DNAH5: variants seen among roughly 807,000 people sequenced by gnomAD.
DNAH5 encodes axonemal beta dynein heavy chain 5.
In DNAH5, 372 loss-of-function variants were observed where a neutral mutation model predicts 518.2. The ratio of observed to expected loss-of-function variants is 0.72; its 90% CI spans 0.66 to 0.78. The LOEUF (loss-of-function observed/expected upper bound fraction) is 0.78, where lower values mean the gene tolerates loss of function less well. Ranked by LOEUF, DNAH5 falls within the 30% of genes least tolerant of loss-of-function variation. The pLI is 0.00. For missense variants in DNAH5, 5,523 were observed against 5,687.0 expected (o/e 0.97, Z 0.93); for synonymous variants, 2,039 against 2,025.9 (o/e 1.01, Z -0.17).
At chr5:13,945,958 G>A (rs760971050), upstream of DNAH5, among the ~76,000 whole-genome samples, 5 of 152,172 alleles carry the variant, frequency 3.3e-5, no homozygotes, top group Middle Eastern at 3.4e-3. Context: ...GCTGTTGTCC[G>A]TTTCTAATAA....
At chr5:13,903,701 T>C (rs1482120684) in intron 12 of DNAH5, among the ~76,000 whole-genome samples, 1 of 151,996 alleles carries the variant, frequency 6.6e-6, no homozygotes. Flanking sequence ...AATCAGTGAA[T>C]AAAGATCTTC....
At chr5:13,982,837 C>T (rs1195316981) in intron 1 of DNAH5, among the ~76,000 whole-genome samples, 1 of 152,246 alleles carries the variant, frequency 6.6e-6, no homozygotes, top group Non-Finnish European at 1.5e-5. Flanking sequence ...AGCAGGAAGA[C>T]CATGGCAAGG....
At chr5:13,926,691 C>CAGA (rs59322960) in intron 3 of DNAH5, among the ~76,000 whole-genome samples, 100,973 of 151,826 alleles carry the variant, frequency 0.67, 33,653 homozygotes, top group East Asian at 0.88. Flanking sequence ...AATCCAAGTT[C>CAGA]AGAAGGACTA....
Position 13,844,941 on chromosome 5 carries a change from G to C in DNAH5, c.5167C>G (p.Pro1723Ala), listed in dbSNP as rs754655990. 1 of 1,614,122 alleles carries C rather than the reference G, an allele frequency of 6.2e-7. No individual in the cohort carries two copies. Among genetic ancestry groups the C allele is most frequent in the Non-Finnish European group, 8.5e-7 (1 of 1,179,992 alleles). Residue 1723 changes from proline to alanine, a missense_variant, in exon 32 of 79, where the codon CCT becomes GCT. By Grantham distance (27) the Pro-to-Ala change is conservative (BLOSUM62 -1). This residue lies in a region of DNAH5 where 5,121 missense variants were observed against 5,223.3 expected (regional missense o/e 0.98). Coordinates refer to ENST00000265104, the MANE Select transcript of DNAH5 (RefSeq NM_001369.3). The stretch of plus-strand genomic sequence containing the variant: ...TGCCCCAGAATCTCTAGAAGGGCAG[G>C]ATCTGAGACGAAGAAAAACCGAGGA... ...CFPRFFFVSD[P>A]ALLEILGQAS...
intron 1 of DNAH5, among the ~76,000 whole-genome samples, chr5:13,961,423 C>CG (rs199681036): frequency 0.026 from 3,897 of 152,138 alleles, 74 homozygotes; most frequent in South Asian, 0.047. Context: ...GCGGGCAGAT[C>CG]GCCTGAGGTT....
At chr5:13,930,383 T>G (rs908079920) in intron 2 of DNAH5, among the ~76,000 whole-genome samples, 1 of 152,154 alleles carries the variant, frequency 6.6e-6, no homozygotes, top group Non-Finnish European at 1.5e-5. Context: ...CCTCCAACCT[T>G]GCCCAAATCC....
chr5:13,900,326 C>T lies in DNAH5; in HGVS notation c.2139G>A (p.Gln713=), dbSNP rs1312002370. The T allele has an allele frequency of 6.2e-7, 1 of 1,614,162 alleles. No homozygotes were observed. Among genetic ancestry groups the T allele is most frequent in the Non-Finnish European group, 8.5e-7 (1 of 1,180,008 alleles). ...TGELFVNFDP[Q]ILILFRETEC... ...CTGTTTCTCTAAATAAGATTAATAT[C>T]TGAGGGTCAAAGTTTACAAACAATT... Residue 713 remains glutamine (Q), a synonymous_variant, in exon 15 of 79, where the codon CAG becomes CAA. Coordinates refer to ENST00000265104, the MANE Select transcript of DNAH5 (RefSeq NM_001369.3).
At chr5:13,900,090 G>T in intron 15 of DNAH5, 116 bp downstream of exon 15, 1 of 959,124 alleles carries the variant, frequency 1.0e-6, no homozygotes, top group Non-Finnish European at 1.6e-6. Context: ...TGTCCCCTCA[G>T]TCACTCCATT....
At chr5:13,742,684 AAT>A (rs1748746863) in intron 65 of DNAH5, among the ~76,000 whole-genome samples, 1 of 152,118 alleles carries the variant, frequency 6.6e-6, no homozygotes, top group South Asian at 2.1e-4. Context: ...TAGTCAATTT[AAT>A]ATCATTGTTA....
chr5:13,925,427 T>A (rs1294662844), intron 3 of DNAH5, among the ~76,000 whole-genome samples: 2 of 152,200 alleles, frequency 1.3e-5, no homozygotes, highest in Non-Finnish European at 2.9e-5. Flanking sequence ...ATTAGTCCAT[T>A]TTCATGCTGC....
chr5:13,783,502 C>T (rs773075742), intron 52 of DNAH5, among the ~76,000 whole-genome samples: 4 of 152,050 alleles, frequency 2.6e-5, no homozygotes, highest in Admixed American at 1.3e-4. Context: ...ATGGGGGAGG[C>T]GCTCCAGGAT....
Position 13,866,278 on chromosome 5 carries a change from C to T in DNAH5, c.4058G>A (p.Gly1353Asp). 1 of 1,612,764 alleles carries T rather than the reference C, an allele frequency of 6.2e-7. No individual in the cohort carries two copies. The highest frequency in any genetic ancestry group is 8.5e-7 in the Non-Finnish European group (1 of 1,179,602). The change falls in exon 26 of 79, where the codon GGT becomes GAT. Residue 1353 changes from glycine (G) to aspartate (D), a missense_variant. Around this residue, in one of 3 missense-constraint regions of DNAH5, gnomAD observed 5,121 missense variants for 5,223.3 expected, o/e 0.98. Coordinates refer to ENST00000265104, the MANE Select transcript of DNAH5 (RefSeq NM_001369.3). ...GGGCTTCAAGCCGCTAGCCATTGGA[C>T]CATTCTGAACAAAAAGTAAAAAAAG... ...HQFYLDYDLN[G>D]PMASGLKPQE...
intron 16 of DNAH5, 37 bp downstream of exon 16, chr5:13,894,613 T>C (rs768977167): frequency 1.9e-6 from 3 of 1,605,574 alleles, no homozygotes; most frequent in Non-Finnish European, 2.6e-6. Context: ...ACTCAGCCTT[T>C]AGAATTCAGA....
At position 13,777,267 on chromosome 5, in the gene DNAH5, T is replaced by TG. The variant is rs1754234425; in HGVS notation, c.9039dup (p.Thr3014HisfsTer4). ...GACTCATCTTTAATCTCATTGTCTG[T>TG]GAAAATAAAAGTGATTCCTTTGCCT... On this transcript the variant is annotated frameshift_variant, in exon 54 of 79. Transcript: ENST00000265104. LOFTEE classifies it high-confidence loss of function. The TG allele has an allele frequency of 6.2e-7, 1 of 1,613,292 alleles. No homozygotes were observed. Among genetic ancestry groups the TG allele is most frequent in the Non-Finnish European group, 8.5e-7 (1 of 1,179,504 alleles).
rs1772369775 is a variant in DNAH5 at position 13,885,973 on chromosome 5, C to A, written c.2734G>T (p.Glu912Ter). 1 of 1,612,780 alleles carries A rather than the reference C, an allele frequency of 6.2e-7. No individual in the cohort carries two copies. Among genetic ancestry groups the A allele is most frequent in the Middle Eastern group, 1.7e-4 (1 of 6,060 alleles). The stretch of plus-strand genomic sequence containing the variant: ...TTACCCCATCTCTTACCTGAACTTT[C>A]ATTTTTGTAATTAACACTATTCTCA... The part of the protein sequence containing the change: ...SNENSVNYKN[E>*]SSAKREEGNF... Residue 912 changes from glutamate to a stop codon, truncating the protein, a stop_gained, in exon 18 of 79, where the codon GAA (glutamate) becomes TAA (stop). Transcript: ENST00000265104. LOFTEE classifies it high-confidence loss of function.
At chr5:13,858,108 CAT>C (rs1330523462) in intron 30 of DNAH5, among the ~76,000 whole-genome samples, 2 of 152,170 alleles carry the variant, frequency 1.3e-5, no homozygotes, top group Non-Finnish European at 1.5e-5. Flanking sequence ...ACTATAAAGA[CAT>C]ATGCACACGT....
At chr5:13,891,529 C>T (rs959403688) in intron 16 of DNAH5, among the ~76,000 whole-genome samples, 6 of 152,212 alleles carry the variant, frequency 3.9e-5, no homozygotes, top group African/African-American at 1.4e-4. Context: ...CTTAAAGATC[C>T]GGCTCAAGTG....
intron 31 of DNAH5, among the ~76,000 whole-genome samples, chr5:13,846,002 T>A (rs1765958070): frequency 6.8e-6 from 1 of 146,670 alleles, no homozygotes; most frequent in South Asian, 2.3e-4. Flanking sequence ...AGCTAATATT[T>A]TTTTTTTTTT....
At chr5:13,714,131 A>C (rs1052282811) in intron 75 of DNAH5, among the ~76,000 whole-genome samples, 10 of 152,200 alleles carry the variant, frequency 6.6e-5, no homozygotes, top group Non-Finnish European at 1.3e-4. Context: ...GGGAAGGTTC[A>C]GAAAAGCAGT....
Sources: allele counts gnomAD v4.1 joint callset (sites outside exome capture counted in the v4.1 genomes callset), GRCh38; gene constraint gnomAD v4.1.1; regional missense constraint gnomAD v4.1.1; transcripts MANE v1.5; gene names NCBI Gene and HGNC (gene_info 2026-07-23, HGNC 2026-07-21).